Variants in ITPR1 observed in about 807,000 individuals in gnomAD.
The protein encoded by ITPR1 is inositol 1,4,5-trisphosphate receptor type 1.
In ITPR1, 96 loss-of-function variants were observed where a neutral mutation model predicts 318.4. The observed-to-expected ratio is 0.30, with a 90% CI of 0.26 to 0.36. The LOEUF is 0.36. ITPR1 is among the 10% of genes least tolerant of loss of function. The probability of loss-of-function intolerance (pLI) is 1.00; values close to 1 mark genes in which losing one functional copy is unlikely to be tolerated. For synonymous variants in ITPR1, 1,312 were observed against 1,289.9 expected, an observed-to-expected ratio of 1.02 and a Z score of -0.37; for missense variants, 2,440 against 3,460.2, an observed-to-expected ratio of 0.71 and a Z score of 7.40.
intron 44 of ITPR1, among the ~76,000 whole-genome samples, chr3:4,743,122 C>T (rs1406254248): frequency 2.0e-5 from 3 of 152,258 alleles, no homozygotes; most frequent in African/African-American, 7.2e-5. Context: ...GAAGTGCTCC[C>T]TGGCCCAGGC....
chr3:4,669,625 G>A (rs1245559096), intron 18 of ITPR1, 29 bp from the exon 19 acceptor site: 1 of 1,593,108 alleles, frequency 6.3e-7, no homozygotes, highest in African/African-American at 1.3e-5. Context: ...TCTATCTACA[G>A]AAAATGTTTT....
In ITPR1 at chr3:4,768,264, G is replaced by A. The variant is rs183664145; in HGVS notation, c.5726-247G>A. On this transcript the variant is annotated intron_variant, in intron 45 of 61. Coordinates refer to ENST00000649015, the MANE Select transcript of ITPR1 (RefSeq NM_001378452.1). Reference sequence around the variant, plus strand: ...GTGAGGCTGACAGAACCTGTGCTGAGGCTTTTCCTCTGAAACACACTGTAC... The same window carrying A: ...GTGAGGCTGACAGAACCTGTGCTGAAGCTTTTCCTCTGAAACACACTGTAC... 18 of 395,488 alleles carry A rather than the reference G, an allele frequency of 4.6e-5. No individual in the cohort carries two copies. The Admixed American group carries it at 7.5e-4, about 16-fold the overall frequency. 24.5% of individuals were successfully genotyped at this position (395,488 alleles called of 1,614,324 possible). A position where few individuals can be genotyped will look rare whatever the true frequency, so the allele number is the denominator to read the frequency against.
rs780347639 is a variant in ITPR1 at position 4,787,936 on chromosome 3, T to C, written c.6616-11T>C. On this transcript the variant is annotated splice_polypyrimidine_tract_variant and intron_variant, in intron 51 of 61. Transcript: ENST00000649015. The stretch of plus-strand genomic sequence containing the variant: ...GATGAATATTTAATCTCATCCACTT[T>C]TTCATCCTAGATTGTCAGATTAGAC... 6.9e-6 allele frequency: 11 copies of C among 1,595,232 alleles called. No homozygotes were observed. In the East Asian group the frequency reaches 2.5e-4, roughly 36 times the overall value.
chr3:4,625,697 C>T (rs1429802485), intron 4 of ITPR1, among the ~76,000 whole-genome samples: 1 of 152,124 alleles, frequency 6.6e-6, no homozygotes, highest in African/African-American at 2.4e-5. Flanking sequence ...GCTGGGACTA[C>T]AGGCGCCCGC....
At chr3:4,525,411 T>A (rs2082898789) in intron 4 of ITPR1, among the ~76,000 whole-genome samples, 1 of 152,222 alleles carries the variant, frequency 6.6e-6, no homozygotes, top group African/African-American at 2.4e-5. Context: ...CTTTTTTTTC[T>A]CTGATGGTTG....
At chr3:4,811,745 G>T (rs1376626662) in intron 56 of ITPR1, among the ~76,000 whole-genome samples, 1 of 152,202 alleles carries the variant, frequency 6.6e-6, no homozygotes, top group Admixed American at 6.5e-5. Context: ...TACATATTGA[G>T]AGCGTTGGAG....
chr3:4,684,142 A>T lies in ITPR1; in HGVS notation c.3499-139A>T, dbSNP rs573301729. 7.6e-6 allele frequency: 5 copies of T among 661,166 alleles called. No individual in the cohort carries two copies. In the South Asian group the frequency reaches 9.5e-5, roughly 13 times the overall value. 41.0% of individuals were successfully genotyped at this position (661,166 alleles called of 1,614,324 possible). On this transcript the variant is annotated intron_variant, in intron 28 of 61. Coordinates refer to ENST00000649015, the MANE Select transcript of ITPR1 (RefSeq NM_001378452.1). ...GAAACCCATAGCAAGTAGGTAGATG[A>T]CTGGGGCATAAGCCCAGCATGACTA...
intron 16 of ITPR1, among the ~76,000 whole-genome samples, chr3:4,664,716 C>T (rs943923163): frequency 6.6e-6 from 1 of 152,178 alleles, no homozygotes. Flanking sequence ...GGCACTAGTG[C>T]GACTTAAAAT....
rs7641327 is a variant in ITPR1, at chr3:4,712,886, G to A, written c.5103+1018G>A. On this transcript the variant is annotated intron_variant, in intron 39 of 61. Transcript: ENST00000649015. ...CAACAAGAGTTCCATGACTAGAAAT[G>A]TCCATTACATTTTTTAGAAACTAAT... Among the ~76,000 whole-genome samples the A allele has an allele frequency of 3.9e-5, 6 of 152,142 alleles. No individual in the cohort carries two copies. The East Asian group carries it at 1.2e-3, about 29-fold the overall frequency.
At chr3:4,633,340 T>G (rs2093075161) in intron 5 of ITPR1, among the ~76,000 whole-genome samples, 1 of 152,190 alleles carries the variant, frequency 6.6e-6, no homozygotes, top group South Asian at 2.1e-4. Flanking sequence ...ACATATTTCA[T>G]TCAATTTACA....
intron 61 of ITPR1, among the ~76,000 whole-genome samples, chr3:4,844,802 T>G (rs549371124): frequency 6.6e-6 from 1 of 152,360 alleles, no homozygotes; most frequent in East Asian, 1.9e-4. Context: ...CTTGTAAGTC[T>G]TCTCATCTAA....
chr3:4,777,026 C>T (rs887785127), intron 47 of ITPR1, among the ~76,000 whole-genome samples: 1 of 152,216 alleles, frequency 6.6e-6, no homozygotes, highest in Admixed American at 6.5e-5. Flanking sequence ...TTAGACACAA[C>T]CAATTTATCA....
At position 4,783,665 on chromosome 3, in the gene ITPR1, G is replaced by A. The variant is rs1010999118; in HGVS notation, c.6511-151G>A. ...AAATAGCGCCTGTGCACAGCACGCC[G>A]TGATGGGATGGAGCAAGCCTCGTGG... On this transcript the variant is annotated intron_variant, in intron 50 of 61. Coordinates refer to ENST00000649015, the MANE Select transcript of ITPR1 (RefSeq NM_001378452.1). 4.4e-5 allele frequency: 30 copies of A among 675,624 alleles called. No homozygotes were observed. In the East Asian group the frequency reaches 5.7e-4, roughly 13 times the overall value. The allele number at this position is 675,624 out of a possible 1,614,324, so 41.9% of individuals were successfully genotyped here. A position where few individuals can be genotyped will look rare whatever the true frequency, so the allele number is the denominator to read the frequency against.
intron 4 of ITPR1, among the ~76,000 whole-genome samples, chr3:4,589,642 T>C (rs2090216337): frequency 6.6e-6 from 1 of 151,988 alleles, no homozygotes; most frequent in Non-Finnish European, 1.5e-5. Flanking sequence ...GCTGGAGTGG[T>C]CCTTATAAAG....
At chr3:4,555,139 G>A (rs1390888534) in intron 4 of ITPR1, among the ~76,000 whole-genome samples, 1 of 152,156 alleles carries the variant, frequency 6.6e-6, no homozygotes, top group Non-Finnish European at 1.5e-5. Flanking sequence ...TTTGTAGAAA[G>A]CACCAGAATC....
chr3:4,818,079 T>C lies in ITPR1; in HGVS notation c.7868-3T>C. 6.3e-7 allele frequency: 1 copy of C among 1,595,260 alleles called. No homozygotes were observed. The highest frequency in any genetic ancestry group is 8.6e-7 in the Non-Finnish European group (1 of 1,166,562). Reference sequence around the variant, plus strand: ...GGCTGGGGGCTTTTTGTCTCATTTTTAGGCTTGGAAAGAGACAAGTTTGAC... The same window carrying C: ...GGCTGGGGGCTTTTTGTCTCATTTTCAGGCTTGGAAAGAGACAAGTTTGAC... On this transcript the variant is annotated splice_region_variant and splice_polypyrimidine_tract_variant and intron_variant, in intron 59 of 61. Coordinates refer to ENST00000649015, the MANE Select transcript of ITPR1 (RefSeq NM_001378452.1).
intron 4 of ITPR1, among the ~76,000 whole-genome samples, chr3:4,530,460 C>G (rs191120775): frequency 2.7e-4 from 41 of 152,294 alleles, no homozygotes; most frequent in African/African-American, 7.5e-4. Flanking sequence ...TAATCTTGCT[C>G]CAAACTACCT....
rs542076374 is a variant in ITPR1 at position 4,641,369 on chromosome 3, G to T, written c.367-724G>T. Among the ~76,000 whole-genome samples the T allele has an allele frequency of 2.0e-5, 3 of 152,278 alleles. No individual in the cohort carries two copies. The South Asian group carries it at 6.2e-4, about 32-fold the overall frequency. On this transcript the variant is annotated intron_variant, in intron 6 of 61. Transcript: ENST00000649015. ...GAAATGACAATCCCCTAAAGGGGTTGCATTTTATTTTATTTAATTTTTTGA... is the reference window on the plus strand; with the variant it reads ...GAAATGACAATCCCCTAAAGGGGTTTCATTTTATTTTATTTAATTTTTTGA...
intron 4 of ITPR1, among the ~76,000 whole-genome samples, chr3:4,538,939 T>C (rs1037565712): frequency 6.6e-6 from 1 of 152,124 alleles, no homozygotes; most frequent in Admixed American, 6.5e-5. Context: ...GCTTAATACC[T>C]AGGTGATAGG....
Sources: gnomAD v4.1 joint callset for allele counts (sites outside exome capture counted in the v4.1 genomes callset) on GRCh38, gnomAD v4.1.1 for gene constraint, MANE v1.5 for transcripts, NCBI Gene and HGNC (gene_info 2026-07-23, HGNC 2026-07-21) for gene names.